Variants in LRRC3B observed in about 807,000 individuals in gnomAD.
LRRC3B encodes the protein leucine-rich repeat-containing protein 3B.
In LRRC3B, 2 loss-of-function variants were observed where a neutral mutation model predicts 12.8. That is an observed-to-expected ratio of 0.16 (90% CI 0.06 to 0.49). LRRC3B has a LOEUF of 0.49. Among genes scored for constraint, LRRC3B ranks in the 20% least tolerant of loss-of-function variants. The probability of loss-of-function intolerance (pLI) is 0.96; values close to 1 mark genes in which losing one functional copy is unlikely to be tolerated. For missense variants in LRRC3B, 189 were observed against 319.4 expected (o/e 0.59, Z 3.11); for synonymous variants, 132 against 122.0 (o/e 1.08, Z -0.54).
chr3:26,657,712 G>T (rs541034116), intron 1 of LRRC3B, among the ~76,000 whole-genome samples: 3 of 151,684 alleles, frequency 2.0e-5, no homozygotes, highest in African/African-American at 7.3e-5. Context: ...CAGCCAAGGC[G>T]CTCATTACTT....
chr3:26,638,947 C>T (rs1328832878), intron 1 of LRRC3B, among the ~76,000 whole-genome samples: 2 of 152,140 alleles, frequency 1.3e-5, no homozygotes, highest in Non-Finnish European at 2.9e-5. Context: ...CTGAAGGTTG[C>T]TTTGTAGCAG....
chr3:26,664,101 A>T (rs1699549756), intron 1 of LRRC3B, among the ~76,000 whole-genome samples: 1 of 152,076 alleles, frequency 6.6e-6, no homozygotes, highest in African/African-American at 2.4e-5. Context: ...TCACTTTATC[A>T]TCTGCCCCTC....
At chr3:26,653,393 G>T (rs1157625482) in intron 1 of LRRC3B, among the ~76,000 whole-genome samples, 1 of 152,128 alleles carries the variant, frequency 6.6e-6, no homozygotes. Flanking sequence ...AAGCTGATTT[G>T]AAATATTCTC....
chr3:26,634,338 C>T (rs770540517), intron 1 of LRRC3B, among the ~76,000 whole-genome samples: 11 of 152,190 alleles, frequency 7.2e-5, no homozygotes, highest in Non-Finnish European at 1.5e-4. Context: ...CACTCAGTAC[C>T]GCCCTACGCA....
At chr3:26,688,768 A>G (rs923329909) in intron 1 of LRRC3B, among the ~76,000 whole-genome samples, 1 of 152,194 alleles carries the variant, frequency 6.6e-6, no homozygotes, top group Non-Finnish European at 1.5e-5. Flanking sequence ...GAGGATTACA[A>G]TTGAAAATGA....
chr3:26,632,848 G>C (rs542836252), intron 1 of LRRC3B, among the ~76,000 whole-genome samples: 67 of 152,108 alleles, frequency 4.4e-4, no homozygotes, highest in African/African-American at 1.3e-3. Flanking sequence ...ATTTTCCTTG[G>C]CATACCCTGT....
At chr3:26,708,258 C>A (rs1330338267) in intron 1 of LRRC3B, among the ~76,000 whole-genome samples, 1 of 152,170 alleles carries the variant, frequency 6.6e-6, no homozygotes, top group East Asian at 1.9e-4. Flanking sequence ...GGGTTCCCTA[C>A]AAAATGCAGA....
chr3:26,638,021 A>G (rs963457283), intron 1 of LRRC3B, among the ~76,000 whole-genome samples: 10 of 152,234 alleles, frequency 6.6e-5, no homozygotes, highest in Non-Finnish European at 2.9e-5. Context: ...ATTTTGCAAA[A>G]TTGTAACAAC....
chr3:26,646,584 C>T (rs1419781027), intron 1 of LRRC3B, among the ~76,000 whole-genome samples: 3 of 110,372 alleles, frequency 2.7e-5, no homozygotes, highest in African/African-American at 9.7e-5. Context: ...CCAGAGGCCA[C>T]TAAGGATAGG....
At chr3:26,688,191 C>A (rs911240757) in intron 1 of LRRC3B, among the ~76,000 whole-genome samples, 9 of 152,202 alleles carry the variant, frequency 5.9e-5, no homozygotes, top group Non-Finnish European at 7.3e-5. Flanking sequence ...TAAAATACAT[C>A]CACAGCTCTT....
At position 26,709,647 on chromosome 3, in the gene LRRC3B, G is replaced by A. The variant is rs1298644342; in HGVS notation, c.-26G>A. On this transcript the variant is annotated 5_prime_UTR_variant, in exon 2 of 2. Coordinates refer to ENST00000396641, the Ensembl canonical transcript of LRRC3B. The stretch of plus-strand genomic sequence containing the variant: ...GCTTGTTGGAGTAGATGAGGAATGG[G>A]CTCGTGATTATGCTGACATTCCAGC... 4 of 1,604,266 alleles carry A rather than the reference G, an allele frequency of 2.5e-6. No homozygotes were observed. The South Asian group carries it at 4.5e-5, about 18-fold the overall frequency.
chr3:26,641,602 G>C (rs1699032902), intron 1 of LRRC3B, among the ~76,000 whole-genome samples: 1 of 152,168 alleles, frequency 6.6e-6, no homozygotes, highest in Non-Finnish European at 1.5e-5. Context: ...TGGCAGGATG[G>C]AACGTGGGCA....
At chr3:26,697,352 A>AT (rs1416781023) in intron 1 of LRRC3B, among the ~76,000 whole-genome samples, 7 of 152,134 alleles carry the variant, frequency 4.6e-5, no homozygotes, top group African/African-American at 1.4e-4. Flanking sequence ...ACTTGTGGCT[A>AT]TATCACTTCA....
intron 1 of LRRC3B, among the ~76,000 whole-genome samples, chr3:26,678,603 C>G (rs757938872): frequency 1.3e-5 from 2 of 152,082 alleles, no homozygotes; most frequent in Non-Finnish European, 2.9e-5. Flanking sequence ...ACCTAAGAGC[C>G]AGGGGACCCT....
intron 1 of LRRC3B, among the ~76,000 whole-genome samples, chr3:26,693,057 G>A (rs577899583): frequency 7.2e-5 from 11 of 152,174 alleles, no homozygotes; most frequent in East Asian, 3.9e-4. Flanking sequence ...CAGGCCGGGC[G>A]CGGTGGCTCA....
At chr3:26,664,216 A>G (rs1224540627) in intron 1 of LRRC3B, among the ~76,000 whole-genome samples, 1 of 152,166 alleles carries the variant, frequency 6.6e-6, no homozygotes, top group Non-Finnish European at 1.5e-5. Context: ...TACTTCATTC[A>G]CTTTTCATAC....
rs199849872 is a variant in LRRC3B, at chr3:26,690,727, G to GA, written c.-160-18780dup. 9.2e-4 allele frequency among the ~76,000 whole-genome samples: 140 copies of GA among 151,834 alleles called. 2 individuals carry two copies. The East Asian group carries it at 0.024, about 26-fold the overall frequency. On this transcript the variant is annotated intron_variant, in intron 1 of 1. Coordinates refer to ENST00000396641, the Ensembl canonical transcript of LRRC3B. Reference sequence around the variant, plus strand: ...ATGTAAGGAAGATTTCTCTTGGTTGGAAAAAATCTATATCTAACTGAGAAG... The same window carrying GA: ...ATGTAAGGAAGATTTCTCTTGGTTGGAAAAAAATCTATATCTAACTGAGAAG...
At chr3:26,671,639 CG>C in intron 1 of LRRC3B, among the ~76,000 whole-genome samples, 1 of 151,736 alleles carries the variant, frequency 6.6e-6, no homozygotes, top group East Asian at 2.0e-4. Context: ...ATGGTCCGCC[CG>C]CCTTGGCCTC....
chr3:26,667,394 C>T (rs563165814), intron 1 of LRRC3B, among the ~76,000 whole-genome samples: 4 of 152,246 alleles, frequency 2.6e-5, no homozygotes, highest in African/African-American at 7.2e-5. Flanking sequence ...AAAAAATTGG[C>T]CTGCATTTAC....
Sources: allele counts gnomAD v4.1 joint callset (sites outside exome capture counted in the v4.1 genomes callset), GRCh38; gene constraint gnomAD v4.1.1; transcripts MANE v1.5; gene names NCBI Gene and HGNC (gene_info 2026-07-23, HGNC 2026-07-21).